Variants in SLC13A3 observed in about 807,000 individuals in gnomAD.
The protein encoded by SLC13A3 is Na(+)/dicarboxylate cotransporter 3.
In SLC13A3, 40 loss-of-function variants were observed where a neutral mutation model predicts 59.0. The observed-to-expected ratio is 0.68, with a 90% CI of 0.53 to 0.88. The LOEUF is 0.88. Among genes scored for constraint, SLC13A3 ranks in the 40% least tolerant of loss-of-function variants. The pLI, the probability that SLC13A3 is intolerant of heterozygous loss-of-function variation, is 0.00. For synonymous variants in SLC13A3, 317 were observed against 330.3 expected, an observed-to-expected ratio of 0.96 and a Z score of 0.44; for missense variants, 699 against 783.2, an observed-to-expected ratio of 0.89 and a Z score of 1.28.
At chr20:46,583,212 A>C in intron 9 of SLC13A3, 1 of 576,250 alleles carries the variant, frequency 1.7e-6, no homozygotes. Context: ...GGGGAAAGCA[A>C]AATTTGATAC....
At chr20:46,587,854 TC>T (rs900284500) in intron 8 of SLC13A3, among the ~76,000 whole-genome samples, 5 of 152,168 alleles carry the variant, frequency 3.3e-5, no homozygotes, top group African/African-American at 1.2e-4. Context: ...AATCCAGAGC[TC>T]CCAACACATG....
chr20:46,608,663 CAT>C (rs1041908917), intron 3 of SLC13A3: 1 of 479,260 alleles, frequency 2.1e-6, no homozygotes, highest in African/African-American at 1.9e-5. Context: ...GGGAAATACT[CAT>C]GTGACTGTCA....
At chr20:46,661,451 T>TTTCC (rs1164896626) in intron 1 of SLC13A3, among the ~76,000 whole-genome samples, 5 of 152,228 alleles carry the variant, frequency 3.3e-5, no homozygotes, top group Admixed American at 2.0e-4. Flanking sequence ...ATTTAGAACT[T>TTTCC]TTCCTTCAGC....
At chr20:46,618,836 C>T (rs979272458) in intron 1 of SLC13A3, among the ~76,000 whole-genome samples, 2 of 152,322 alleles carry the variant, frequency 1.3e-5, no homozygotes, top group Non-Finnish European at 2.9e-5. Context: ...ACACCAGTGA[C>T]GTCTTCAGAT....
At chr20:46,680,066 C>A (rs943123938) in intron 1 of SLC13A3, among the ~76,000 whole-genome samples, 5 of 152,138 alleles carry the variant, frequency 3.3e-5, no homozygotes, top group African/African-American at 1.2e-4. Flanking sequence ...TTGTTTCTTG[C>A]CCTCTCAGCA....
At chr20:46,581,392 G>A (rs2146109525) in intron 9 of SLC13A3, among the ~76,000 whole-genome samples, 1 of 152,306 alleles carries the variant, frequency 6.6e-6, no homozygotes, top group Non-Finnish European at 1.5e-5. Flanking sequence ...GAACAAGCTG[G>A]ACCAACCCGA....
At chr20:46,674,587 G>A (rs894974111), upstream of SLC13A3, among the ~76,000 whole-genome samples, 65 of 116,522 alleles carry the variant, frequency 5.6e-4, no homozygotes, top group Admixed American at 5.1e-3. Flanking sequence ...TAGGTGGGGA[G>A]TGCGCGCGCG....
rs1326270248 is a variant in SLC13A3 at position 46,651,407 on chromosome 20, T to G, written c.15A>C (p.Ala5=). ...CGCTCCACACCTTCTTGGCCGCTGC[T>G]GCCAGCGCCGCCATCAGCGCGATCG... The part of the protein sequence containing the change: MAAL[A]AAAKKVWSAR... The change falls in exon 1 of 13, where the codon GCA becomes GCC. Residue 5 remains alanine, a synonymous_variant. Coordinates refer to ENST00000279027, the MANE Select transcript of SLC13A3 (RefSeq NM_022829.6). 2 of 1,489,826 alleles carry G rather than the reference T, an allele frequency of 1.3e-6. No individual in the cohort carries two copies. Among genetic ancestry groups the G allele is most frequent in the Non-Finnish European group, 8.9e-7 (1 of 1,125,170 alleles). 92.3% of individuals were successfully genotyped at this position (1,489,826 alleles called of 1,614,324 possible). A position where few individuals can be genotyped will look rare whatever the true frequency, so the allele number is the denominator to read the frequency against.
intron 12 of SLC13A3, among the ~76,000 whole-genome samples, chr20:46,560,982 A>G (rs2061925724): frequency 6.6e-6 from 1 of 152,176 alleles, no homozygotes; most frequent in African/African-American, 2.4e-5. Context: ...GGGGTGTGAT[A>G]GGAAAATAAA....
At chr20:46,612,839 A>AGC (rs2062513093) in intron 2 of SLC13A3, among the ~76,000 whole-genome samples, 2 of 152,138 alleles carry the variant, frequency 1.3e-5, no homozygotes, top group Admixed American at 6.5e-5. Context: ...GCTCTTTAGG[A>AGC]TTGTAACCCT....
intron 9 of SLC13A3, 26 bp downstream of exon 9, chr20:46,583,546 C>A (rs377100902): frequency 1.2e-6 from 2 of 1,611,698 alleles, no homozygotes; most frequent in Non-Finnish European, 1.7e-6. Flanking sequence ...CTGAGCCCAC[C>A]GAGACCCCAG....
At chr20:46,592,153 A>T (rs1270343829) in intron 6 of SLC13A3, among the ~76,000 whole-genome samples, 1 of 152,180 alleles carries the variant, frequency 6.6e-6, no homozygotes, top group Non-Finnish European at 1.5e-5. Context: ...TTGAGGCTGC[A>T]ATGTGCTATG....
chr20:46,628,864 G>A (rs186442104), intron 1 of SLC13A3, among the ~76,000 whole-genome samples: 151 of 152,360 alleles, frequency 9.9e-4, no homozygotes, highest in African/African-American at 3.4e-3. Flanking sequence ...AGGACAGACT[G>A]TTCTAGAGAA....
At chr20:46,571,407 T>G (rs2062027278) in intron 10 of SLC13A3, among the ~76,000 whole-genome samples, 1 of 152,222 alleles carries the variant, frequency 6.6e-6, no homozygotes, top group African/African-American at 2.4e-5. Context: ...CCTCAATGAA[T>G]TAATGCAATA....
intron 1 of SLC13A3, among the ~76,000 whole-genome samples, chr20:46,666,454 T>C (rs2063062873): frequency 6.7e-6 from 1 of 150,104 alleles, no homozygotes. Context: ...TTTTTTGTTT[T>C]GGTTTTGGTT....
intron 1 of SLC13A3, among the ~76,000 whole-genome samples, chr20:46,683,640 T>C (rs1338680249): frequency 6.6e-6 from 1 of 152,210 alleles, no homozygotes; most frequent in African/African-American, 2.4e-5. Context: ...AGGACCCCTC[T>C]TGTAGCAGAG....
chr20:46,584,115 T>C lies in SLC13A3; in HGVS notation c.1122-446A>G, dbSNP rs573177315. ...CCCACTCACACCAGTGGAACCCAGA[T>C]TGACCCAGCCTCTTGGCCCCTCAAA... On this transcript the variant is annotated intron_variant, in intron 8 of 12. Transcript: ENST00000279027. The C allele has an allele frequency of 7.8e-4, 773 of 985,344 alleles. 6 individuals carry two copies. In the South Asian group the frequency reaches 0.016, roughly 21 times the overall value. The allele number at this position is 985,344 out of a possible 1,614,324, so 61.0% of individuals were successfully genotyped here. A position where few individuals can be genotyped will look rare whatever the true frequency, so the allele number is the denominator to read the frequency against.
chr20:46,633,674 C>T (rs1314147065), intron 1 of SLC13A3, among the ~76,000 whole-genome samples: 1 of 152,332 alleles, frequency 6.6e-6, no homozygotes, highest in Admixed American at 6.5e-5. Context: ...TTGGCAATTC[C>T]CTTGTTAAAC....
chr20:46,597,226 G>T (rs2062322707), intron 4 of SLC13A3, among the ~76,000 whole-genome samples: 1 of 151,808 alleles, frequency 6.6e-6, no homozygotes, highest in African/African-American at 2.4e-5. Flanking sequence ...TACAGTTAAA[G>T]AGTTTTGGGA....
Sources: allele counts gnomAD v4.1 joint callset (sites outside exome capture counted in the v4.1 genomes callset), GRCh38; gene constraint gnomAD v4.1.1; transcripts MANE v1.5; gene names NCBI Gene and HGNC (gene_info 2026-07-23, HGNC 2026-07-21).